Variants in ANKRD13C observed in about 807,000 individuals in gnomAD.
ANKRD13C encodes ankyrin repeat domain 13C, also known as ankyrin repeat domain-containing protein 13C.
A neutral mutation model predicts 65.5 loss-of-function variants in ANKRD13C; 16 were observed. The ratio of observed to expected loss-of-function variants is 0.24; its 90% CI spans 0.17 to 0.37. The LOEUF is 0.37. ANKRD13C is among the 10% of genes least tolerant of loss of function. The pLI is 1.00. For missense variants in ANKRD13C, 503 were observed against 655.9 expected (o/e 0.77, Z 2.55); for synonymous variants, 235 against 238.7 (o/e 0.98, Z 0.14).
At chr1:70,291,153 T>C (rs2603492) in intron 9 of ANKRD13C, among the ~76,000 whole-genome samples, 151,272 of 152,168 alleles carry the variant, frequency 0.99, 75,199 homozygotes, top group East Asian at 1. Context: ...GCCTCAGCCT[T>C]CCGAGTAGCT....
intron 12 of ANKRD13C, among the ~76,000 whole-genome samples, chr1:70,270,461 T>C (rs1321592401): frequency 6.6e-6 from 1 of 152,188 alleles, no homozygotes; most frequent in Non-Finnish European, 1.5e-5. Flanking sequence ...CCCAACCTTT[T>C]TGGCACGAGG....
At chr1:70,319,916 A>C (rs1681235933) in intron 3 of ANKRD13C, among the ~76,000 whole-genome samples, 1 of 152,134 alleles carries the variant, frequency 6.6e-6, no homozygotes, top group Non-Finnish European at 1.5e-5. Context: ...CATCCTGACT[A>C]TGTTTCTGAC....
intron 1 of ANKRD13C, among the ~76,000 whole-genome samples, chr1:70,339,411 G>C (rs61084750): frequency 6.8e-6 from 1 of 147,948 alleles, no homozygotes; most frequent in South Asian, 2.1e-4. Flanking sequence ...TCCGCCTCCC[G>C]GGTTTCAAGC....
chr1:70,316,396 T>C (rs1326035874), intron 3 of ANKRD13C, among the ~76,000 whole-genome samples: 2 of 151,672 alleles, frequency 1.3e-5, no homozygotes, highest in Non-Finnish European at 2.9e-5. Flanking sequence ...CAAGTAAGAA[T>C]AGAAGTAAGG....
chr1:70,283,704 A>T (rs2101191654), intron 9 of ANKRD13C, among the ~76,000 whole-genome samples: 1 of 152,172 alleles, frequency 6.6e-6, no homozygotes, highest in African/African-American at 2.4e-5. Flanking sequence ...GCTACTCAGG[A>T]GGCTGAGGCA....
intron 2 of ANKRD13C, among the ~76,000 whole-genome samples, chr1:70,327,843 T>C (rs1278254085): frequency 6.6e-6 from 1 of 152,076 alleles, no homozygotes; most frequent in African/African-American, 2.4e-5. Flanking sequence ...GGGGGGCGGA[T>C]CATCTGAGGT....
chr1:70,333,537 A>G (rs1268381157), intron 2 of ANKRD13C, among the ~76,000 whole-genome samples: 1 of 152,218 alleles, frequency 6.6e-6, no homozygotes. Context: ...GCAAATACCT[A>G]TCTTAAAGAC....
chr1:70,308,679 C>A (rs1403702702), intron 5 of ANKRD13C, among the ~76,000 whole-genome samples: 1 of 143,854 alleles, frequency 7.0e-6, no homozygotes, highest in Non-Finnish European at 1.5e-5. Flanking sequence ...GCGGAACTTG[C>A]AGTGAGCCGA....
chr1:70,290,522 G>A (rs1462207014), intron 9 of ANKRD13C, among the ~76,000 whole-genome samples: 2 of 150,702 alleles, frequency 1.3e-5, no homozygotes, highest in African/African-American at 4.9e-5. Context: ...TATGTGTAAT[G>A]TGCTCTGATT....
intron 2 of ANKRD13C, among the ~76,000 whole-genome samples, chr1:70,330,956 A>G (rs1437714515): frequency 6.6e-6 from 1 of 152,170 alleles, no homozygotes; most frequent in Non-Finnish European, 1.5e-5. Context: ...CCCACGTGAC[A>G]TTACTAATAT....
chr1:70,322,697 T>A (rs997125009), intron 3 of ANKRD13C, among the ~76,000 whole-genome samples: 8 of 151,976 alleles, frequency 5.3e-5, no homozygotes, highest in Non-Finnish European at 1.0e-4. Flanking sequence ...TGACTCTGAG[T>A]AAAGAATCCT....
chr1:70,276,903 T>A (rs1558265448), intron 9 of ANKRD13C, 59 bp from the exon 10 acceptor site: 1 of 1,302,002 alleles, frequency 7.7e-7, no homozygotes, highest in Non-Finnish European at 1.1e-6. Flanking sequence ...TGTTATTTTT[T>A]AAATATAAGA....
chr1:70,279,649 T>G (rs1203099690), intron 9 of ANKRD13C, among the ~76,000 whole-genome samples: 1 of 151,850 alleles, frequency 6.6e-6, no homozygotes, highest in Non-Finnish European at 1.5e-5. Context: ...ATTACAGGTG[T>G]GCATCATCAA....
intron 1 of ANKRD13C, among the ~76,000 whole-genome samples, chr1:70,337,345 A>G (rs1317819889): frequency 6.6e-6 from 1 of 151,316 alleles, no homozygotes; most frequent in East Asian, 2.0e-4. Flanking sequence ...ACTTTGGGAA[A>G]GTGGCAGGCA....
intron 7 of ANKRD13C, 117 bp from the exon 8 acceptor site, chr1:70,296,378 T>C (rs1680082881): frequency 2.9e-6 from 3 of 1,039,614 alleles, no homozygotes; most frequent in South Asian, 1.7e-5. Flanking sequence ...AAAAGGATAG[T>C]TTCTAAATAA....
intron 1 of ANKRD13C, among the ~76,000 whole-genome samples, chr1:70,336,783 T>C (rs886443741): frequency 9.9e-5 from 15 of 152,024 alleles, no homozygotes; most frequent in African/African-American, 3.6e-4. Context: ...GTGAAGAAGT[T>C]ATAGAAAACA....
At chr1:70,270,758 T>C in intron 12 of ANKRD13C, 98 bp downstream of exon 12, 1 of 788,756 alleles carries the variant, frequency 1.3e-6, no homozygotes, top group Non-Finnish European at 2.0e-6. Context: ...ACAGAGGTGT[T>C]GGGGACCCCT....
chr1:70,332,788 G>A (rs1681869667), intron 2 of ANKRD13C, among the ~76,000 whole-genome samples: 1 of 152,004 alleles, frequency 6.6e-6, no homozygotes. Context: ...AAAACAGGCT[G>A]ATATAAACCG....
intron 1 of ANKRD13C, among the ~76,000 whole-genome samples, chr1:70,337,619 T>C (rs930726591): frequency 3.3e-5 from 5 of 152,040 alleles, no homozygotes; most frequent in Non-Finnish European, 5.9e-5. Flanking sequence ...TAAAGTCATC[T>C]CTGTAATTAA....
Sources: allele counts gnomAD v4.1 joint callset (sites outside exome capture counted in the v4.1 genomes callset), GRCh38; gene constraint gnomAD v4.1.1; transcripts MANE v1.5; gene names NCBI Gene and HGNC (gene_info 2026-07-23, HGNC 2026-07-21).